Variants in ELAVL1 observed in about 807,000 individuals in gnomAD.
ELAVL1 encodes ELAV-like protein 1.
Under a neutral mutation model 28.4 loss-of-function variants are expected in ELAVL1, and 1 was observed. The ratio of observed to expected loss-of-function variants is 0.04; its 90% CI spans 0.01 to 0.17. The LOEUF is 0.17. Ranked by LOEUF, ELAVL1 falls within the 10% of genes least tolerant of loss-of-function variation. The pLI is 1.00. For synonymous variants in ELAVL1, 174 were observed against 183.5 expected (o/e 0.95, Z 0.42); for missense variants, 157 against 447.2 (o/e 0.35, Z 5.85).
At chr19:7,993,271 A>C (rs983179276) in intron 1 of ELAVL1, among the ~76,000 whole-genome samples, 2 of 152,210 alleles carry the variant, frequency 1.3e-5, no homozygotes, top group Non-Finnish European at 2.9e-5. Context: ...ATCCTGTAAA[A>C]AAGCCTTTGG....
intron 2 of ELAVL1, among the ~76,000 whole-genome samples, chr19:7,989,771 C>T (rs763958258): frequency 3.9e-5 from 6 of 152,110 alleles, no homozygotes; most frequent in Non-Finnish European, 5.9e-5. Flanking sequence ...GTGTAAAATC[C>T]CCATTGAGAA....
intron 3 of ELAVL1, among the ~76,000 whole-genome samples, chr19:7,977,163 T>A (rs2145209617): frequency 6.6e-6 from 1 of 152,316 alleles, no homozygotes; most frequent in South Asian, 2.1e-4. Context: ...AACGCCTGCC[T>A]ATCTGCACTG....
At chr19:8,001,568 C>T (rs1440856523) in intron 1 of ELAVL1, among the ~76,000 whole-genome samples, 1 of 152,178 alleles carries the variant, frequency 6.6e-6, no homozygotes, top group Non-Finnish European at 1.5e-5. Flanking sequence ...GGCCATCGAG[C>T]TGTTCAGGAT....
chr19:7,999,820 AG>A (rs1474402768), intron 1 of ELAVL1, among the ~76,000 whole-genome samples: 1 of 152,206 alleles, frequency 6.6e-6, no homozygotes, highest in African/African-American at 2.4e-5. Flanking sequence ...TTTGTCACCC[AG>A]GCTGGAGTGC....
chr19:7,999,789 T>C (rs1288960856), intron 1 of ELAVL1, among the ~76,000 whole-genome samples: 1 of 151,910 alleles, frequency 6.6e-6, no homozygotes, highest in Non-Finnish European at 1.5e-5. Flanking sequence ...TTTTTATGTT[T>C]TGCAGAGAGG....
At chr19:7,990,495 T>C (rs1367396404) in intron 2 of ELAVL1, among the ~76,000 whole-genome samples, 1 of 149,528 alleles carries the variant, frequency 6.7e-6, no homozygotes, top group African/African-American at 2.5e-5. Flanking sequence ...CGCCCCCAAA[T>C]AGCCAGGACC....
intron 4 of ELAVL1, among the ~76,000 whole-genome samples, chr19:7,970,282 A>G (rs551981077): frequency 1.3e-5 from 2 of 152,300 alleles, no homozygotes; most frequent in African/African-American, 4.8e-5. Context: ...CAGCCTCCCC[A>G]GTAGCTGGGA....
intron 1 of ELAVL1, among the ~76,000 whole-genome samples, chr19:8,003,509 G>A (rs983492807): frequency 6.6e-6 from 1 of 151,456 alleles, no homozygotes; most frequent in Non-Finnish European, 1.5e-5. Context: ...TGGCTAACAC[G>A]GTGAAACCCC....
chr19:7,968,349 G>T (rs558026823), intron 4 of ELAVL1, among the ~76,000 whole-genome samples: 1 of 152,244 alleles, frequency 6.6e-6, no homozygotes, highest in Non-Finnish European at 1.5e-5. Context: ...TGCCAGGAGG[G>T]AGTAGGGTCC....
Position 7,982,098 on chromosome 19 carries a change from C to G in ELAVL1, c.173-912G>C, listed in dbSNP as rs886773669. 4.6e-5 allele frequency among the ~76,000 whole-genome samples: 7 copies of G among 152,176 alleles called. No individual in the cohort carries two copies. Among genetic ancestry groups the G allele is most frequent in the Admixed American group, 3.9e-4 (6 of 15,278 alleles). On this transcript the variant is annotated intron_variant, in intron 2 of 5. Transcript: ENST00000407627. This position sits in a 1 kb window ranked among gnomAD's most constrained non-coding sequence, Gnocchi z 4.3. ...CTTTGTGAAACACTCAGCACAGGTA[C>G]AAGTGAACACCCACTCACTGGATAC...
At position 7,979,484 on chromosome 19, in the gene ELAVL1, C is replaced by T. The variant is rs1254907374; in HGVS notation, c.276+1599G>A. Among the ~76,000 whole-genome samples, 1 of 152,238 alleles carries T rather than the reference C, an allele frequency of 6.6e-6. No homozygotes were observed. Among genetic ancestry groups the T allele is most frequent in the South Asian group, 2.1e-4 (1 of 4,836 alleles). On this transcript the variant is annotated intron_variant, in intron 3 of 5. Coordinates refer to ENST00000407627, the MANE Select transcript of ELAVL1 (RefSeq NM_001419.3). This position sits in a 1 kb window ranked among gnomAD's most constrained non-coding sequence, Gnocchi z 5.4. ...GAACAGCTGTGCAGGAATAATCAAG[C>T]GTTCTGCTCCACACCTCAGCCTGGC...
At position 7,960,135 on chromosome 19, in the gene ELAVL1, G is replaced by A. The variant is rs1984763764; in HGVS notation, c.*3348C>T. The A allele has an allele frequency of 6.6e-6, 1 of 152,168 alleles. No homozygotes were observed. Among genetic ancestry groups the A allele is most frequent in the Non-Finnish European group, 1.5e-5 (1 of 68,042 alleles). 9.4% of individuals were successfully genotyped at this position (152,168 alleles called of 1,614,324 possible). ...TCATTTGGAAGCAAACCGGGTCAAG[G>A]AATTGCCACTAACCGTCTTCGGGTG... On this transcript the variant is annotated 3_prime_UTR_variant, in exon 6 of 6. Coordinates refer to ENST00000407627, the MANE Select transcript of ELAVL1 (RefSeq NM_001419.3).
chr19:8,002,010 G>A (rs1421156262), intron 1 of ELAVL1: 3 of 1,281,110 alleles, frequency 2.3e-6, no homozygotes, highest in East Asian at 5.6e-5. Flanking sequence ...CCACCAGGGT[G>A]AGCAGTGAAC....
intron 4 of ELAVL1, among the ~76,000 whole-genome samples, chr19:7,971,574 G>T (rs1305636544): frequency 2.0e-5 from 3 of 152,242 alleles, no homozygotes; most frequent in African/African-American, 7.2e-5. Flanking sequence ...AGACTCTTCT[G>T]GTGCAGACCA....
chr19:7,992,661 T>C (rs967939790), intron 1 of ELAVL1, among the ~76,000 whole-genome samples: 45 of 152,186 alleles, frequency 3.0e-4, no homozygotes, highest in African/African-American at 1.0e-3. Context: ...GCATGATATA[T>C]AGTGGTGGAT....
chr19:7,989,309 A>G (rs1985692913), intron 2 of ELAVL1, among the ~76,000 whole-genome samples: 2 of 152,240 alleles, frequency 1.3e-5, no homozygotes, highest in Admixed American at 1.3e-4. Context: ...GGCTGGGCCA[A>G]GATGAAAGCC....
intron 2 of ELAVL1, among the ~76,000 whole-genome samples, chr19:7,983,496 C>A (rs1022809144): frequency 1.3e-5 from 2 of 152,186 alleles, no homozygotes; most frequent in Non-Finnish European, 1.5e-5. Flanking sequence ...GAGGGGACAG[C>A]CTCTGGGGTC....
At chr19:7,999,636 G>A (rs2081060754) in intron 1 of ELAVL1, among the ~76,000 whole-genome samples, 1 of 152,176 alleles carries the variant, frequency 6.6e-6, no homozygotes, top group African/African-American at 2.4e-5. Context: ...AGGCTGGAGT[G>A]CAGAGGCATG....
rs370547018 is a variant in ELAVL1, at chr19:7,988,877, G to A, written c.172+2767C>T. 2.0e-5 allele frequency among the ~76,000 whole-genome samples: 3 copies of A among 152,304 alleles called. No individual in the cohort carries two copies. The East Asian group carries it at 5.8e-4, about 29-fold the overall frequency. ...CCCAGGAAAAGTGGGCACTTGGAGA[G>A]CCTGAGGCTCTTGGGAAGCCGGGAA... On this transcript the variant is annotated intron_variant, in intron 2 of 5. Coordinates refer to ENST00000407627, the MANE Select transcript of ELAVL1 (RefSeq NM_001419.3).
Sources: gnomAD v4.1 joint callset for allele counts (sites outside exome capture counted in the v4.1 genomes callset) on GRCh38, gnomAD v4.1.1 for gene constraint, Gnocchi (gnomAD v3.1) non-coding constraint, MANE v1.5 for transcripts, NCBI Gene and HGNC (gene_info 2026-07-23, HGNC 2026-07-21) for gene names.